The following RBFOX3 variants were observed in gnomAD, a reference collection of about 807,000 sequenced individuals.
RBFOX3 encodes RNA binding protein fox-1 homolog 3.
RBFOX3 carries 17 observed loss-of-function variants against 48.7 expected under a neutral mutation model. The ratio of observed to expected loss-of-function variants is 0.35; its 90% CI spans 0.24 to 0.52. The LOEUF is 0.52. Among genes scored for constraint, RBFOX3 ranks in the 20% least tolerant of loss-of-function variants. RBFOX3 has a pLI of 0.94. For synonymous variants in RBFOX3, 212 were observed against 209.5 expected, an observed-to-expected ratio of 1.01 and a Z score of -0.10; for missense variants, 382 against 497.5, an observed-to-expected ratio of 0.77 and a Z score of 2.21.
At chr17:79,158,878 T>C (rs529464901) in intron 4 of RBFOX3, among the ~76,000 whole-genome samples, 33 of 152,266 alleles carry the variant, frequency 2.2e-4, no homozygotes, top group African/African-American at 6.5e-4. Context: ...GGATGGCTGC[T>C]GGGACTCCCA....
At chr17:79,433,495 G>A (rs2068836170) in intron 2 of RBFOX3, among the ~76,000 whole-genome samples, 1 of 152,172 alleles carries the variant, frequency 6.6e-6, no homozygotes, top group South Asian at 2.1e-4. Context: ...AACAGAATGT[G>A]AGCAGACAAT....
intron 2 of RBFOX3, among the ~76,000 whole-genome samples, chr17:79,313,245 C>A (rs915337603): frequency 2.6e-5 from 4 of 152,184 alleles, no homozygotes; most frequent in Non-Finnish European, 5.9e-5. Context: ...AGGGGTAGGG[C>A]AGGCAGGGCT....
intron 1 of RBFOX3, among the ~76,000 whole-genome samples, chr17:79,602,950 G>T (rs1313213275): frequency 6.7e-6 from 1 of 149,652 alleles, no homozygotes; most frequent in East Asian, 2.0e-4. Context: ...GCAAAAGCAA[G>T]AGGACCTGCT....
chr17:79,620,603 G>A, the RBFOX3 span, among the ~76,000 whole-genome samples: 7,106 of 116,322 alleles, frequency 0.061, 652 homozygotes, highest in African/African-American at 0.22. Context: ...ACGCACGCAC[G>A]CACACATGCA....
At position 79,591,687 on chromosome 17, in the gene RBFOX3, C is replaced by G. The variant is rs1027256313; in HGVS notation, c.-320+19139G>C. On this transcript the variant is annotated intron_variant, in intron 1 of 14. Transcript: ENST00000693108. ...TTGCTTGGAGCCCCTGAAAACAGAG[C>G]CTGGGGCAAGGGTTGGGGCACAGAT... Among the ~76,000 whole-genome samples the G allele has an allele frequency of 7.2e-5, 11 of 152,264 alleles. No homozygotes were observed. The East Asian group carries it at 2.1e-3, about 29-fold the overall frequency.
At chr17:79,344,997 C>T (rs2082666761) in intron 2 of RBFOX3, among the ~76,000 whole-genome samples, 1 of 152,182 alleles carries the variant, frequency 6.6e-6, no homozygotes, top group Admixed American at 6.5e-5. Flanking sequence ...CATACTTGAC[C>T]ACTCCTACCT....
At chr17:79,645,154 G>A in the RBFOX3 span, among the ~76,000 whole-genome samples, 5 of 152,060 alleles carry the variant, frequency 3.3e-5, no homozygotes, top group African/African-American at 1.2e-4. Context: ...CCATCGTGAA[G>A]CCCCCGAACG....
At chr17:79,107,502 C>A (rs372870571) in intron 5 of RBFOX3, among the ~76,000 whole-genome samples, 3 of 152,336 alleles carry the variant, frequency 2.0e-5, no homozygotes, top group Admixed American at 2.0e-4. Context: ...GGGTGTCGCC[C>A]GAGGCAGCGC....
At chr17:79,168,664 G>A (rs2145630618) in intron 4 of RBFOX3, among the ~76,000 whole-genome samples, 1 of 152,352 alleles carries the variant, frequency 6.6e-6, no homozygotes, top group South Asian at 2.1e-4. Context: ...ATGCACTGAG[G>A]TGGGACAGTG....
chr17:79,204,528 T>C lies in RBFOX3; in HGVS notation c.-34+31238A>G, dbSNP rs114203516. The stretch of plus-strand genomic sequence containing the variant: ...GTCAACGAGGTCGACGCGCTGGAAC[T>C]ACTTTGGTGGAGTATTAAAGAAGGG... On this transcript the variant is annotated intron_variant, in intron 4 of 14. Transcript: ENST00000693108. The surrounding 1 kb of genome is among the most constrained non-coding windows in gnomAD (Gnocchi z 4.5). Among the ~76,000 whole-genome samples, 411 of 152,320 alleles carry C rather than the reference T, an allele frequency of 2.7e-3. 4 individuals are homozygous for C. The highest frequency in any genetic ancestry group is 9.0e-3 in the African/African-American group (373 of 41,552).
Position 79,311,293 on chromosome 17 carries a change from C to T in RBFOX3, c.-174-3469G>A, listed in dbSNP as rs2076817145. On this transcript the variant is annotated intron_variant, in intron 2 of 14. Transcript: ENST00000693108. The surrounding 1 kb of genome is among the most constrained non-coding windows in gnomAD (Gnocchi z 4.2). ...ATTAAAAATACAAAAATTAGCTAGGCATGTTGGTGGGCACCTGTAGTTCCA... is the reference window on the plus strand; with the variant it reads ...ATTAAAAATACAAAAATTAGCTAGGTATGTTGGTGGGCACCTGTAGTTCCA... 6.6e-6 allele frequency among the ~76,000 whole-genome samples: 1 copy of T among 151,996 alleles called. No individual in the cohort carries two copies. Among genetic ancestry groups the T allele is most frequent in the Admixed American group, 6.6e-5 (1 of 15,252 alleles).
At chr17:79,449,750 A>G (rs988387372) in intron 2 of RBFOX3, among the ~76,000 whole-genome samples, 1 of 152,026 alleles carries the variant, frequency 6.6e-6, no homozygotes, top group Non-Finnish European at 1.5e-5. Flanking sequence ...GGGGGCGCAC[A>G]TACATGGATG....
At chr17:79,092,379 C>T in intron 14 of RBFOX3, 1 of 985,658 alleles carries the variant, frequency 1.0e-6, no homozygotes. Context: ...ACAGGAAAAA[C>T]CAGGGTCAAA....
chr17:79,515,263 G>T (rs1196152604), intron 1 of RBFOX3, among the ~76,000 whole-genome samples: 3 of 152,184 alleles, frequency 2.0e-5, no homozygotes, highest in Non-Finnish European at 4.4e-5. Context: ...TGCTCCCCAG[G>T]CCAGGTCACC....
intron 2 of RBFOX3, among the ~76,000 whole-genome samples, chr17:79,454,010 G>A (rs538973577): frequency 1.2e-3 from 176 of 152,246 alleles, no homozygotes; most frequent in African/African-American, 4.1e-3. Context: ...GTTGGGAAGC[G>A]TCTTTGGTGA....
chr17:79,393,172 C>A (rs181132066), intron 2 of RBFOX3, among the ~76,000 whole-genome samples: 61 of 152,296 alleles, frequency 4.0e-4, no homozygotes, highest in African/African-American at 1.4e-3. Flanking sequence ...GGCATTTTTT[C>A]TCAAACACAC....
intron 4 of RBFOX3, among the ~76,000 whole-genome samples, chr17:79,152,839 G>C (rs1462066154): frequency 1.3e-5 from 2 of 152,216 alleles, no homozygotes; most frequent in Non-Finnish European, 2.9e-5. Flanking sequence ...CCCACACCAG[G>C]AACACGGCGC....
In RBFOX3 at chr17:79,242,458, G is replaced by A. The variant is rs994523209; in HGVS notation, c.-73-6653C>T. On this transcript the variant is annotated intron_variant, in intron 3 of 14. Coordinates refer to ENST00000693108, the MANE Select transcript of RBFOX3 (RefSeq NM_001350451.2). The surrounding 1 kb of genome is among the most constrained non-coding windows in gnomAD (Gnocchi z 5.8). ...TGGCTTAAACCTGGCTTGTGATGAC[G>A]GTGATCAGAGCAGGAGAGCCACATC... Among the ~76,000 whole-genome samples, 17 of 152,148 alleles carry A rather than the reference G, an allele frequency of 1.1e-4. No homozygotes were observed. Among genetic ancestry groups the A allele is most frequent in the East Asian group, 1.9e-4 (1 of 5,174 alleles).
rs575966834 is a variant in RBFOX3, at chr17:79,101,455, G to A, written c.568+129C>T. Reference sequence around the variant, plus strand: ...GACCGGGAGCAGAGCGGCAGCCCCAGGGCTGGGACACTGGGGACGGAGGCT... The same window carrying A: ...GACCGGGAGCAGAGCGGCAGCCCCAAGGCTGGGACACTGGGGACGGAGGCT... On this transcript the variant is annotated intron_variant, in intron 9 of 14. Coordinates refer to ENST00000693108, the MANE Select transcript of RBFOX3 (RefSeq NM_001350451.2). 12 of 834,992 alleles carry A rather than the reference G, an allele frequency of 1.4e-5. No homozygotes were observed. In the African/African-American group the frequency reaches 1.8e-4, roughly 13 times the overall value. The allele number at this position is 834,992 out of a possible 1,614,324, so 51.7% of individuals were successfully genotyped here. A position where few individuals can be genotyped will look rare whatever the true frequency, so the allele number is the denominator to read the frequency against.
Sources: allele counts gnomAD v4.1 joint callset (sites outside exome capture counted in the v4.1 genomes callset), GRCh38; gene constraint gnomAD v4.1.1; non-coding constraint Gnocchi (gnomAD v3.1); transcripts MANE v1.5; gene names NCBI Gene and HGNC (gene_info 2026-07-23, HGNC 2026-07-21).